Variants in PRR5 observed in about 807,000 individuals in gnomAD.
PRR5 encodes the protein proline rich 5.
In PRR5, 25 loss-of-function variants were observed where a neutral mutation model predicts 30.6. The observed-to-expected ratio is 0.82, with a 90% confidence interval of 0.60 to 1.14. PRR5 has a LOEUF of 1.14. PRR5 is among the 50% of genes most tolerant of loss of function. The probability of loss-of-function intolerance (pLI) is 0.00; values close to 1 mark genes in which losing one functional copy is unlikely to be tolerated. For missense variants in PRR5, 600 were observed against 547.1 expected (o/e 1.10, Z -0.96); for synonymous variants, 286 against 247.1 (o/e 1.16, Z -1.48).
At chr22:44,734,493 A>G (rs132404) in intron 6 of PRR5, 82,227 of 152,700 alleles carry the variant, frequency 0.54, 25,404 homozygotes, top group Non-Finnish European at 0.69. Flanking sequence ...TGGCTCAAAT[A>G]CACCTGGAGG....
chr22:44,733,884 CG>C (rs1025336252), intron 6 of PRR5, among the ~76,000 whole-genome samples: 7 of 152,160 alleles, frequency 4.6e-5, no homozygotes, highest in African/African-American at 1.7e-4. Flanking sequence ...TGGCCTGGAC[CG>C]TGCCTCACTC....
At chr22:44,689,512 T>C (rs1024039366) in intron 1 of PRR5, among the ~76,000 whole-genome samples, 1 of 152,206 alleles carries the variant, frequency 6.6e-6, no homozygotes, top group African/African-American at 2.4e-5. Context: ...AGCCTCCCTT[T>C]AGGGACCAAG....
intron 2 of PRR5, among the ~76,000 whole-genome samples, chr22:44,720,689 G>C (rs1929796954): frequency 6.6e-6 from 1 of 152,222 alleles, no homozygotes; most frequent in Admixed American, 6.5e-5. Context: ...TCCTCAGCCT[G>C]TGGTCAGTTC....
intron 1 of PRR5, among the ~76,000 whole-genome samples, chr22:44,711,639 C>T (rs1053272919): frequency 8.5e-5 from 13 of 152,320 alleles, no homozygotes; most frequent in South Asian, 2.1e-4. Flanking sequence ...CTGGCTACAC[C>T]GCTGCACTGT....
At chr22:44,721,118 G>A (rs1929873197) in intron 2 of PRR5, among the ~76,000 whole-genome samples, 1 of 152,208 alleles carries the variant, frequency 6.6e-6, no homozygotes, top group South Asian at 2.1e-4. Flanking sequence ...TGTTACCGGT[G>A]GAGGGTGTCC....
chr22:44,708,267 C>A (rs1927556824), intron 1 of PRR5, among the ~76,000 whole-genome samples: 1 of 152,152 alleles, frequency 6.6e-6, no homozygotes, highest in Admixed American at 6.5e-5. Flanking sequence ...CGATCAAGAT[C>A]CCCTGCTAAT....
In PRR5 at chr22:44,691,230, C is replaced by T. The variant is rs549553772; in HGVS notation, c.-10-11262C>T. Among the ~76,000 whole-genome samples the T allele has an allele frequency of 6.6e-6, 1 of 152,202 alleles. No individual in the cohort carries two copies. The highest frequency in any genetic ancestry group is 2.4e-5 in the African/African-American group (1 of 41,528). On this transcript the variant is annotated intron_variant, in intron 1 of 8. Transcript: ENST00000006251. This position sits in a 1 kb window ranked among gnomAD's most constrained non-coding sequence, Gnocchi z 4.4. ...CCGGGAGGATTTGGGTAGAGAAAAC[C>T]GGGGTCTGGAATGGGGATTCTGAGG...
intron 2 of PRR5, among the ~76,000 whole-genome samples, chr22:44,721,174 A>G (rs1432996796): frequency 1.3e-5 from 2 of 152,218 alleles, no homozygotes; most frequent in Non-Finnish European, 2.9e-5. Context: ...ACACACAAAC[A>G]AAGCAAGGAA....
intron 1 of PRR5, among the ~76,000 whole-genome samples, chr22:44,684,077 G>A (rs1046954956): frequency 3.9e-5 from 6 of 152,186 alleles, no homozygotes; most frequent in Non-Finnish European, 8.8e-5. Flanking sequence ...TGAGGGTCCA[G>A]GAGGGCCCGG....
At chr22:44,715,476 AG>A (rs1319517733) in intron 2 of PRR5, among the ~76,000 whole-genome samples, 1 of 152,190 alleles carries the variant, frequency 6.6e-6, no homozygotes, top group African/African-American at 2.4e-5. Context: ...GCAAAGCTGA[AG>A]GGGCCCTTAC....
intron 6 of PRR5, among the ~76,000 whole-genome samples, chr22:44,732,835 TAC>T (rs1267878914): frequency 0.043 from 2,282 of 53,084 alleles, 64 homozygotes; most frequent in African/African-American, 0.082. Flanking sequence ...ACGCACATAC[TAC>T]ACACGTGCAC....
At chr22:44,725,369 G>T (rs189514586) in intron 3 of PRR5, 77 bp downstream of exon 3, 2 of 1,590,634 alleles carry the variant, frequency 1.3e-6, no homozygotes, top group African/African-American at 1.3e-5. Flanking sequence ...ACCTGCCCCC[G>T]GGGGTGTGGA....
intron 1 of PRR5, among the ~76,000 whole-genome samples, chr22:44,682,235 C>T (rs767221895): frequency 3.3e-5 from 5 of 152,192 alleles, no homozygotes; most frequent in Admixed American, 6.5e-5. Context: ...GCCACAGTGC[C>T]GGGCAGATTA....
intron 4 of PRR5, among the ~76,000 whole-genome samples, chr22:44,727,612 C>T (rs1445370179): frequency 6.6e-6 from 1 of 152,188 alleles, no homozygotes; most frequent in Admixed American, 6.5e-5. Flanking sequence ...GTGGCAAGGC[C>T]AGGGTGCCAA....
chr22:44,702,196 C>CCGCCCCCGGGTA, upstream of PRR5: 2 of 1,043,764 alleles, frequency 1.9e-6, no homozygotes, highest in Non-Finnish European at 2.3e-6. Context: ...GCCCCCGGGT[C>CCGCCCCCGGGTA]CGCCCCCGGC....
chr22:44,674,683 C>T (rs1923619379), upstream of PRR5, among the ~76,000 whole-genome samples: 2 of 151,102 alleles, frequency 1.3e-5, no homozygotes, highest in African/African-American at 4.9e-5. Flanking sequence ...ACCGCCACTG[C>T]ACTCCAGCCT....
intron 2 of PRR5, among the ~76,000 whole-genome samples, chr22:44,719,445 CCT>C (rs1929601601): frequency 6.6e-6 from 1 of 152,170 alleles, no homozygotes; most frequent in Admixed American, 6.5e-5. Flanking sequence ...AGGACCCAAA[CCT>C]CTTTTTATCT....
At chr22:44,698,744 C>T (rs913880595), upstream of PRR5, among the ~76,000 whole-genome samples, 1 of 152,218 alleles carries the variant, frequency 6.6e-6, no homozygotes, top group African/African-American at 2.4e-5. Context: ...TCAATCTCTC[C>T]GTTGTAAAAT....
In PRR5 at chr22:44,679,641, G is replaced by A. The variant is rs140013130; in HGVS notation, c.-11+2401G>A. On this transcript the variant is annotated intron_variant, in intron 1 of 8. Transcript: ENST00000006251. ...AGAAGCACTTGAACCCAGGAGGCGCGGTTGCAGTGAGCCGAGATCGCCCCA... is the reference window on the plus strand; with the variant it reads ...AGAAGCACTTGAACCCAGGAGGCGCAGTTGCAGTGAGCCGAGATCGCCCCA... The A allele has an allele frequency of 3.2e-4, 193 of 599,792 alleles. No individual in the cohort carries two copies. In the African/African-American group the frequency reaches 3.3e-3, roughly 10 times the overall value. 37.2% of individuals were successfully genotyped at this position (599,792 alleles called of 1,614,324 possible).
Sources: gnomAD v4.1 joint callset for allele counts (sites outside exome capture counted in the v4.1 genomes callset) on GRCh38, gnomAD v4.1.1 for gene constraint, Gnocchi (gnomAD v3.1) non-coding constraint, MANE v1.5 for transcripts, NCBI Gene and HGNC (gene_info 2026-07-23, HGNC 2026-07-21) for gene names.